The following TMEM132D variants were observed in gnomAD, a reference collection of about 807,000 sequenced individuals.
TMEM132D encodes the protein mature OL transmembrane protein.
Under a neutral mutation model 62.3 loss-of-function variants are expected in TMEM132D, and 21 were observed. That is an observed-to-expected ratio of 0.34 (90% CI 0.24 to 0.49). The LOEUF (loss-of-function observed/expected upper bound fraction) is 0.49, where lower values mean the gene tolerates loss of function less well. TMEM132D is among the 20% of genes least tolerant of loss of function. The pLI is 0.99. For missense variants in TMEM132D, 1,346 were observed against 1,402.8 expected (o/e 0.96, Z 0.65); for synonymous variants, 621 against 575.6 (o/e 1.08, Z -1.13).
intron 3 of TMEM132D, among the ~76,000 whole-genome samples, chr12:129,428,784 A>G (rs1872567543): frequency 6.6e-6 from 1 of 152,230 alleles, no homozygotes; most frequent in African/African-American, 2.4e-5. Context: ...AAAGCACTTG[A>G]TGAGAACCAT....
At chr12:129,739,644 A>G (rs2218917) in intron 1 of TMEM132D, among the ~76,000 whole-genome samples, 3 of 152,156 alleles carry the variant, frequency 2.0e-5, no homozygotes, top group African/African-American at 4.8e-5. Context: ...ATGCATCCCA[A>G]TGAATGAGAT....
chr12:129,296,460 A>G (rs1881578246), intron 4 of TMEM132D, among the ~76,000 whole-genome samples: 1 of 152,238 alleles, frequency 6.6e-6, no homozygotes, highest in Non-Finnish European at 1.5e-5. Context: ...CGTGCCAAAT[A>G]GGAGAATACT....
intron 5 of TMEM132D, among the ~76,000 whole-genome samples, chr12:129,196,134 GA>G (rs796881787): frequency 4.8e-5 from 7 of 146,982 alleles, no homozygotes; most frequent in South Asian, 2.2e-4. Context: ...CTCAAAAAAA[GA>G]AAAAAAAAAG....
chr12:129,879,628 TA>T (rs111326525), intron 1 of TMEM132D, among the ~76,000 whole-genome samples: 29 of 152,168 alleles, frequency 1.9e-4, no homozygotes, highest in African/African-American at 6.7e-4. Flanking sequence ...CTGAAACACC[TA>T]GGGGGAATTT....
intron 3 of TMEM132D, among the ~76,000 whole-genome samples, chr12:129,499,277 T>C (rs1221384290): frequency 2.0e-5 from 3 of 152,186 alleles, no homozygotes; most frequent in Non-Finnish European, 2.9e-5. Flanking sequence ...GTCTTTGCAT[T>C]TGTAAAACCA....
chr12:129,394,932 G>A (rs546797311), intron 3 of TMEM132D, among the ~76,000 whole-genome samples: 2 of 152,254 alleles, frequency 1.3e-5, no homozygotes, highest in East Asian at 1.9e-4. Context: ...GTAAACACAC[G>A]AACAGTCTTT....
chr12:129,787,484 C>T (rs943279148), intron 1 of TMEM132D, among the ~76,000 whole-genome samples: 2 of 152,184 alleles, frequency 1.3e-5, no homozygotes, highest in Non-Finnish European at 2.9e-5. Context: ...TCATCCTAAA[C>T]TTCTGTCTCT....
chr12:129,463,216 T>C (rs967848292), intron 3 of TMEM132D, among the ~76,000 whole-genome samples: 4 of 152,230 alleles, frequency 2.6e-5, no homozygotes, highest in Admixed American at 2.0e-4. Flanking sequence ...AGGAACTGTG[T>C]GAAGTTGCAC....
At chr12:129,376,390 G>C (rs1241605904) in intron 3 of TMEM132D, among the ~76,000 whole-genome samples, 1 of 152,094 alleles carries the variant, frequency 6.6e-6, no homozygotes, top group Non-Finnish European at 1.5e-5. Context: ...ATGAGTAAAA[G>C]GAGCAAAGCC....
intron 3 of TMEM132D, among the ~76,000 whole-genome samples, chr12:129,505,756 C>T (rs1293009890): frequency 6.6e-6 from 1 of 152,146 alleles, no homozygotes; most frequent in Non-Finnish European, 1.5e-5. Context: ...TTGGACAAGG[C>T]TTCTTATCAT....
intron 3 of TMEM132D, among the ~76,000 whole-genome samples, chr12:129,524,371 G>A (rs1025930984): frequency 1.3e-5 from 2 of 151,920 alleles, no homozygotes; most frequent in East Asian, 1.9e-4. Flanking sequence ...TTACATGAGC[G>A]GTAACATATC....
intron 2 of TMEM132D, among the ~76,000 whole-genome samples, chr12:129,674,479 T>C (rs976451939): frequency 6.6e-6 from 1 of 152,224 alleles, no homozygotes; most frequent in Non-Finnish European, 1.5e-5. Flanking sequence ...TATTCTCTTA[T>C]TTGTATAATT....
At chr12:129,578,036 C>G (rs977263056) in intron 2 of TMEM132D, among the ~76,000 whole-genome samples, 2 of 152,162 alleles carry the variant, frequency 1.3e-5, no homozygotes, top group African/African-American at 4.8e-5. Context: ...GACGAAGGGT[C>G]CATTTTCTCT....
chr12:129,650,505 C>G (rs750466735), intron 2 of TMEM132D, among the ~76,000 whole-genome samples: 21 of 152,178 alleles, frequency 1.4e-4, no homozygotes, highest in Non-Finnish European at 2.4e-4. Context: ...TTGGCAGCTG[C>G]ATCTTCAAAT....
At chr12:129,134,010 A>G (rs1047988676) in intron 5 of TMEM132D, among the ~76,000 whole-genome samples, 2 of 151,828 alleles carry the variant, frequency 1.3e-5, no homozygotes, top group African/African-American at 2.4e-5. Flanking sequence ...TTAAGAGATG[A>G]AGATATATAT....
intron 1 of TMEM132D, among the ~76,000 whole-genome samples, chr12:129,749,814 T>C (rs1869941848): frequency 6.6e-6 from 1 of 152,066 alleles, no homozygotes; most frequent in African/African-American, 2.4e-5. Context: ...AGACACAGAG[T>C]ATGTAGACCT....
chr12:129,795,711 G>A (rs1023475846), intron 1 of TMEM132D, among the ~76,000 whole-genome samples: 1 of 152,126 alleles, frequency 6.6e-6, no homozygotes, highest in African/African-American at 2.4e-5. Flanking sequence ...GGGTTTTATC[G>A]AAATTGTAGT....
At chr12:129,084,756 G>A (rs990652890) in intron 5 of TMEM132D, 54 bp from the exon 6 acceptor site, 1 of 1,568,954 alleles carries the variant, frequency 6.4e-7, no homozygotes, top group Non-Finnish European at 8.7e-7. Flanking sequence ...TCATCCCGTT[G>A]CATGGCCCAA....
At chr12:129,640,765 T>C (rs1373815768) in intron 2 of TMEM132D, among the ~76,000 whole-genome samples, 1 of 152,170 alleles carries the variant, frequency 6.6e-6, no homozygotes, top group African/African-American at 2.4e-5. Flanking sequence ...AGGTGAGTGA[T>C]GGGTGAGTGA....
Sources: allele counts gnomAD v4.1 joint callset (sites outside exome capture counted in the v4.1 genomes callset), GRCh38; gene constraint gnomAD v4.1.1; transcripts MANE v1.5; gene names NCBI Gene and HGNC (gene_info 2026-07-23, HGNC 2026-07-21).